Variants in LRBA observed in about 807,000 individuals in gnomAD.
LRBA encodes lipopolysaccharide-responsive and beige-like anchor protein.
In LRBA, 176 loss-of-function variants were observed where a neutral mutation model predicts 330.0. The observed-to-expected ratio is 0.53, with a 90% CI of 0.47 to 0.60. The LOEUF is 0.60. Among genes scored for constraint, LRBA ranks in the 20% least tolerant of loss-of-function variants. The pLI is 0.00. For synonymous variants in LRBA, 1,230 were observed against 1,193.0 expected, an observed-to-expected ratio of 1.03 and a Z score of -0.64; for missense variants, 3,259 against 3,444.8, an observed-to-expected ratio of 0.95 and a Z score of 1.35.
chr4:150,987,712 A>C (rs1165369941), intron 2 of LRBA, among the ~76,000 whole-genome samples: 1 of 151,642 alleles, frequency 6.6e-6, no homozygotes, highest in African/African-American at 2.4e-5. Context: ...TATCCAAAAA[A>C]AAAAACAGGC....
chr4:150,963,197 T>C (rs569740131), intron 2 of LRBA, among the ~76,000 whole-genome samples: 4 of 148,034 alleles, frequency 2.7e-5, no homozygotes, highest in South Asian at 2.1e-4. Flanking sequence ...CTTTGCACGG[T>C]CCTCGTCTCC....
intron 34 of LRBA, among the ~76,000 whole-genome samples, chr4:150,773,717 G>C (rs538119128): frequency 6.6e-6 from 1 of 152,290 alleles, no homozygotes; most frequent in South Asian, 2.1e-4. Flanking sequence ...AATAGGTCAG[G>C]AAACCAATGT....
At chr4:150,889,252 C>G (rs1413415819) in intron 17 of LRBA, among the ~76,000 whole-genome samples, 2 of 151,152 alleles carry the variant, frequency 1.3e-5, no homozygotes, top group Non-Finnish European at 2.9e-5. Context: ...TTATTTATAT[C>G]CTACTGCTCA....
chr4:150,539,748 C>G (rs778707627), intron 40 of LRBA, among the ~76,000 whole-genome samples: 2 of 152,128 alleles, frequency 1.3e-5, no homozygotes, highest in Non-Finnish European at 2.9e-5. Flanking sequence ...ATCTGGAGAA[C>G]AGTAACTGAG....
At chr4:150,458,284 A>G (rs567267892) in intron 44 of LRBA, among the ~76,000 whole-genome samples, 2 of 152,054 alleles carry the variant, frequency 1.3e-5, no homozygotes, top group East Asian at 3.9e-4. Context: ...TAAATGCCTT[A>G]TAACATCCAT....
Position 150,574,192 on chromosome 4 carries a change from G to A in LRBA, c.6330+13856C>T, listed in dbSNP as rs28422966. 6.1e-3 allele frequency among the ~76,000 whole-genome samples: 930 copies of A among 152,020 alleles called. 5 individuals carry two copies. The highest frequency in any genetic ancestry group is 0.022 in the African/African-American group (898 of 41,508). ...TATCAAGCAATAATTAGTATACTCA[G>A]GATTTTTCCCAAGTTGCTACTTCAT... On this transcript the variant is annotated intron_variant, in intron 40 of 56. Transcript: ENST00000651943.
At chr4:150,504,289 T>G (rs1451452306) in intron 40 of LRBA, among the ~76,000 whole-genome samples, 3 of 152,226 alleles carry the variant, frequency 2.0e-5, no homozygotes, top group Admixed American at 6.5e-5. Context: ...ACCCATAATT[T>G]TCAGATTCAC....
intron 52 of LRBA, among the ~76,000 whole-genome samples, chr4:150,308,374 A>G: frequency 6.6e-6 from 1 of 152,218 alleles, no homozygotes; most frequent in East Asian, 1.9e-4. Context: ...GCTGGTTTAA[A>G]TGGACTTACT....
chr4:150,493,891 C>A (rs1438084541), intron 40 of LRBA, among the ~76,000 whole-genome samples: 1 of 152,072 alleles, frequency 6.6e-6, no homozygotes, highest in Non-Finnish European at 1.5e-5. Context: ...CTGCTTGATG[C>A]CAGGCAACAT....
intron 48 of LRBA, among the ~76,000 whole-genome samples, chr4:150,338,164 C>T (rs1245720053): frequency 6.6e-6 from 1 of 152,096 alleles, no homozygotes; most frequent in Non-Finnish European, 1.5e-5. Context: ...TGACACTAAA[C>T]ACAACTTAGG....
At chr4:150,691,441 G>C (rs917769786) in intron 36 of LRBA, among the ~76,000 whole-genome samples, 6 of 152,054 alleles carry the variant, frequency 3.9e-5, no homozygotes, top group African/African-American at 1.4e-4. Flanking sequence ...GGCTAATAAA[G>C]CACATGAGAA....
intron 40 of LRBA, among the ~76,000 whole-genome samples, chr4:150,556,688 C>A (rs978005589): frequency 7.9e-5 from 12 of 152,176 alleles, no homozygotes; most frequent in African/African-American, 2.9e-4. Flanking sequence ...TATACAAATA[C>A]TGTGAAAATG....
intron 56 of LRBA, among the ~76,000 whole-genome samples, chr4:150,269,967 C>A (rs1745849641): frequency 6.6e-6 from 1 of 152,128 alleles, no homozygotes; most frequent in South Asian, 2.1e-4. Context: ...AAAGTAAAAT[C>A]TTTTGAGCAT....
intron 44 of LRBA, among the ~76,000 whole-genome samples, chr4:150,464,382 A>G (rs1368218407): frequency 2.0e-5 from 3 of 152,082 alleles, no homozygotes; most frequent in Non-Finnish European, 4.4e-5. Flanking sequence ...AGGGTATAAT[A>G]GCCTGAGGAT....
intron 35 of LRBA, among the ~76,000 whole-genome samples, chr4:150,739,679 G>A (rs1731681539): frequency 1.3e-5 from 2 of 152,078 alleles, no homozygotes; most frequent in Admixed American, 1.3e-4. Context: ...CTCTATTGAC[G>A]CTCTCCCTTA....
chr4:150,423,257 G>A (rs1277500283), intron 46 of LRBA: 9 of 1,080,868 alleles, frequency 8.3e-6, no homozygotes, highest in Admixed American at 1.9e-5. Context: ...ACACGCAGCC[G>A]CCTCCCAGCA....
intron 37 of LRBA, among the ~76,000 whole-genome samples, chr4:150,674,741 G>A (rs1196287450): frequency 6.6e-6 from 1 of 151,844 alleles, no homozygotes; most frequent in Non-Finnish European, 1.5e-5. Flanking sequence ...CGGGCATGGT[G>A]TCATGTGCCT....
intron 44 of LRBA, among the ~76,000 whole-genome samples, chr4:150,463,484 G>A (rs887766575): frequency 6.6e-6 from 1 of 151,994 alleles, no homozygotes; most frequent in Non-Finnish European, 1.5e-5. Context: ...TTTAGTGGAT[G>A]TGGACATATT....
chr4:150,871,072 G>A (rs1042072409), intron 19 of LRBA, among the ~76,000 whole-genome samples: 9 of 151,998 alleles, frequency 5.9e-5, no homozygotes, highest in South Asian at 2.1e-4. Flanking sequence ...AGCAAAACCC[G>A]TCACTACTAA....
Sources: gnomAD v4.1 joint callset for allele counts (sites outside exome capture counted in the v4.1 genomes callset) on GRCh38, gnomAD v4.1.1 for gene constraint, MANE v1.5 for transcripts, NCBI Gene and HGNC (gene_info 2026-07-23, HGNC 2026-07-21) for gene names.